The following STAT4 variants were observed in gnomAD, a reference collection of about 807,000 sequenced individuals.
STAT4 encodes the protein signal transducer and activator of transcription 4.
Under a neutral mutation model 110.5 loss-of-function variants are expected in STAT4, and 42 were observed. That is an observed-to-expected ratio of 0.38 (90% CI 0.30 to 0.49). The LOEUF (loss-of-function observed/expected upper bound fraction) is 0.49, where lower values mean the gene tolerates loss of function less well. Among genes scored for constraint, STAT4 ranks in the 20% least tolerant of loss-of-function variants. The probability of loss-of-function intolerance (pLI) is 0.95; values close to 1 mark genes in which losing one functional copy is unlikely to be tolerated. For missense variants in STAT4, 632 were observed against 887.9 expected, an observed-to-expected ratio of 0.71 and a Z score of 3.66; for synonymous variants, 284 against 302.2, an observed-to-expected ratio of 0.94 and a Z score of 0.63.
intron 13 of STAT4, among the ~76,000 whole-genome samples, chr2:191,055,121 G>T (rs903158706): frequency 2.6e-5 from 4 of 152,042 alleles, no homozygotes; most frequent in South Asian, 4.1e-4. Flanking sequence ...TTAGAAAAAA[G>T]AATGAAATTA....
Position 191,033,311 on chromosome 2 carries a change from C to A in STAT4, c.1853-162G>T, listed in dbSNP as rs1226430317. Among the ~76,000 whole-genome samples the A allele has an allele frequency of 6.6e-6, 1 of 152,144 alleles. No homozygotes were observed. Among genetic ancestry groups the A allele is most frequent in the Admixed American group, 6.5e-5 (1 of 15,274 alleles). On this transcript the variant is annotated intron_variant, in intron 20 of 23. Coordinates refer to ENST00000392320, the MANE Select transcript of STAT4 (RefSeq NM_003151.4). The surrounding 1 kb of genome is among the most constrained non-coding windows in gnomAD (Gnocchi z 6.9). ...GTCTGGACAGTATAGATTGTGCATA[C>A]GATAGACTTTTTGGAATTCATAGGT...
intron 3 of STAT4, among the ~76,000 whole-genome samples, chr2:191,136,004 A>AG (rs766956324): frequency 0.046 from 1,228 of 26,702 alleles, 24 homozygotes; most frequent in African/African-American, 0.12. Flanking sequence ...ACAGCATCTC[A>AG]GAAAAAAAAA....
Position 191,035,609 on chromosome 2 carries a change from T to G in STAT4, c.1570+555A>C, listed in dbSNP as rs1696022415. On this transcript the variant is annotated intron_variant, in intron 17 of 23. Transcript: ENST00000392320. The surrounding 1 kb of genome is among the most constrained non-coding windows in gnomAD (Gnocchi z 4.7). ...CACATGTAGTACCAGTGACTCTATT[T>G]TGCAAACTTTAGAAATCTCAGTCAA... is the stretch of plus-strand genomic sequence containing the variant. Among the ~76,000 whole-genome samples the G allele has an allele frequency of 1.3e-5, 2 of 152,254 alleles. No homozygotes were observed. The highest frequency in any genetic ancestry group is 4.8e-5 in the African/African-American group (2 of 41,466).
rs748082505 is a variant in STAT4 at position 191,062,886 on chromosome 2, T to C, written c.817A>G (p.Arg273Gly). 1 of 1,613,882 alleles carries C rather than the reference T, an allele frequency of 6.2e-7. No individual in the cohort carries two copies. ...TCCTCTAGTTTCTCCAATTGCCTTC[T>C]CAGTTGGAAAAGACTTTCTGCCAAT... ...TLLAESLFQL[R>G]RQLEKLEEQS... Residue 273 changes from arginine to glycine, a missense_variant, in exon 9 of 24, where the codon AGA (arginine) becomes GGA (glycine). By Grantham distance (125) the Arg-to-Gly change is moderately radical (BLOSUM62 -2). Transcript: ENST00000392320. The surrounding 1 kb of genome is among the most constrained non-coding windows in gnomAD (Gnocchi z 4.9).
chr2:191,102,843 T>C (rs1379528459), intron 3 of STAT4, among the ~76,000 whole-genome samples: 1 of 152,130 alleles, frequency 6.6e-6, no homozygotes, highest in East Asian at 1.9e-4. Flanking sequence ...TTTGTGTCCA[T>C]CAATTATCTG....
chr2:191,069,236 T>C (rs1574726816), intron 6 of STAT4, among the ~76,000 whole-genome samples: 1 of 152,104 alleles, frequency 6.6e-6, no homozygotes, highest in African/African-American at 2.4e-5. Flanking sequence ...CTTTTGCCTA[T>C]ATTTTAGGCT....
At position 191,042,377 on chromosome 2, in the gene STAT4, T is replaced by A. The variant is rs1481822896; in HGVS notation, c.1252-1229A>T. Among the ~76,000 whole-genome samples, 1 of 152,200 alleles carries A rather than the reference T, an allele frequency of 6.6e-6. No homozygotes were observed. The highest frequency in any genetic ancestry group is 1.5e-5 in the Non-Finnish European group (1 of 68,032). ...AAAACAGTGAAAAAAGTCTACTGTA[T>A]TCAGCTCAGTTTATTCAATAAATAT... On this transcript the variant is annotated intron_variant, in intron 14 of 23. Coordinates refer to ENST00000392320, the MANE Select transcript of STAT4 (RefSeq NM_003151.4). The surrounding 1 kb of genome is among the most constrained non-coding windows in gnomAD (Gnocchi z 4.2).
At chr2:191,093,948 G>A (rs1697884479) in intron 3 of STAT4, among the ~76,000 whole-genome samples, 1 of 152,180 alleles carries the variant, frequency 6.6e-6, no homozygotes, top group African/African-American at 2.4e-5. Flanking sequence ...GCATGCACAA[G>A]CTTCAATAGC....
rs1310501785 is a variant in STAT4, at chr2:191,077,855, G to GA, written c.274-1531dup. ...CTCTTTAAATCAAAAGTCTCCAAAT[G>GA]AAAAAAACAAAAATAAATTGACTGA... On this transcript the variant is annotated intron_variant, in intron 3 of 23. Coordinates refer to ENST00000392320, the MANE Select transcript of STAT4 (RefSeq NM_003151.4). The surrounding 1 kb of genome is among the most constrained non-coding windows in gnomAD (Gnocchi z 4.1). Among the ~76,000 whole-genome samples the GA allele has an allele frequency of 6.6e-6, 1 of 151,268 alleles. No homozygotes were observed. The highest frequency in any genetic ancestry group is 2.4e-5 in the African/African-American group (1 of 41,200).
rs1473549825 is a variant in STAT4, at chr2:191,060,332, T to G, written c.1034+1397A>C. Among the ~76,000 whole-genome samples the G allele has an allele frequency of 6.6e-6, 1 of 152,214 alleles. No individual in the cohort carries two copies. The highest frequency in any genetic ancestry group is 2.1e-4 in the South Asian group (1 of 4,832). ...AATGTCCACCACTTCTCCATCTTAT[T>G]TCACTCTCCTCCGAGTTATACAGAG... On this transcript the variant is annotated intron_variant, in intron 10 of 23. Coordinates refer to ENST00000392320, the MANE Select transcript of STAT4 (RefSeq NM_003151.4). This position sits in a 1 kb window ranked among gnomAD's most constrained non-coding sequence, Gnocchi z 4.5.
chr2:191,035,501 T>A lies in STAT4; in HGVS notation c.1570+663A>T, dbSNP rs1278002080. On this transcript the variant is annotated intron_variant, in intron 17 of 23. Transcript: ENST00000392320. The surrounding 1 kb of genome is among the most constrained non-coding windows in gnomAD (Gnocchi z 4.7). ...TATAGATCTAATTTTAACTCTTTTTTTGGTGTTAAATATGTTAAACCCTGA... is the reference window on the plus strand; with the variant it reads ...TATAGATCTAATTTTAACTCTTTTTATGGTGTTAAATATGTTAAACCCTGA... Among the ~76,000 whole-genome samples the A allele has an allele frequency of 6.6e-6, 1 of 152,242 alleles. No homozygotes were observed. The highest frequency in any genetic ancestry group is 2.4e-5 in the African/African-American group (1 of 41,464).
chr2:191,032,854 A>G lies in STAT4; in HGVS notation c.2044+104T>C, dbSNP rs999698611. The G allele has an allele frequency of 2.5e-6, 3 of 1,199,710 alleles. No individual in the cohort carries two copies. The African/African-American group carries it at 4.6e-5, about 19-fold the overall frequency. 74.3% of individuals were successfully genotyped at this position (1,199,710 alleles called of 1,614,324 possible). Reference sequence around the variant, plus strand: ...CCACATGCCCTTAGATCTTACAGAAATCAGAGTAAACAAGAAGGGGAACTT... The same window carrying G: ...CCACATGCCCTTAGATCTTACAGAAGTCAGAGTAAACAAGAAGGGGAACTT... On this transcript the variant is annotated intron_variant, in intron 21 of 23. Coordinates refer to ENST00000392320, the MANE Select transcript of STAT4 (RefSeq NM_003151.4). This position sits in a 1 kb window ranked among gnomAD's most constrained non-coding sequence, Gnocchi z 4.9.
intron 14 of STAT4, among the ~76,000 whole-genome samples, chr2:191,045,977 G>A (rs1269379614): frequency 1.3e-5 from 2 of 152,170 alleles, no homozygotes; most frequent in African/African-American, 4.8e-5. Context: ...AGACGGACTA[G>A]TTGTCTTGAG....
In STAT4 at chr2:191,116,683, T is replaced by TA. The variant is rs1375457279; in HGVS notation, c.273+29929dup. ...TCCAGTATAATTACTTGCAATTACTTAATTACTGTCCTCTTTGGTTCATCA... is the reference window on the plus strand; with the variant it reads ...TCCAGTATAATTACTTGCAATTACTTAAATTACTGTCCTCTTTGGTTCATCA... On this transcript the variant is annotated intron_variant, in intron 3 of 23. Transcript: ENST00000392320. This position sits in a 1 kb window ranked among gnomAD's most constrained non-coding sequence, Gnocchi z 4.1. Among the ~76,000 whole-genome samples, 5 of 152,198 alleles carry TA rather than the reference T, an allele frequency of 3.3e-5. 1 individual carries two copies. The East Asian group carries it at 9.6e-4, about 29-fold the overall frequency.
intron 3 of STAT4, among the ~76,000 whole-genome samples, chr2:191,124,707 C>A (rs2125400508): frequency 1.3e-5 from 2 of 152,310 alleles, no homozygotes; most frequent in South Asian, 4.1e-4. Flanking sequence ...GCATCAATAT[C>A]TGTGTCTATC....
rs546378903 is a variant in STAT4, at chr2:191,035,431, C to T, written c.1570+733G>A. Among the ~76,000 whole-genome samples, 14 of 152,342 alleles carry T rather than the reference C, an allele frequency of 9.2e-5. No homozygotes were observed. Among genetic ancestry groups the T allele is most frequent in the African/African-American group, 3.4e-4 (14 of 41,582 alleles). ...CAAGCTTAAATCACACATGATTCTA[C>T]TTCTGCACAAATGGATCTTTGGCCC... is the stretch of plus-strand genomic sequence containing the variant. On this transcript the variant is annotated intron_variant, in intron 17 of 23. Coordinates refer to ENST00000392320, the MANE Select transcript of STAT4 (RefSeq NM_003151.4). The surrounding 1 kb of genome is among the most constrained non-coding windows in gnomAD (Gnocchi z 4.7).
intron 6 of STAT4, among the ~76,000 whole-genome samples, chr2:191,067,365 C>T (rs1697022826): frequency 6.6e-6 from 1 of 152,020 alleles, no homozygotes. Context: ...AGAAACTGGA[C>T]CCCTAAGAGG....
At chr2:191,114,628 C>A (rs1013105135) in intron 3 of STAT4, among the ~76,000 whole-genome samples, 1 of 152,102 alleles carries the variant, frequency 6.6e-6, no homozygotes, top group African/African-American at 2.4e-5. Context: ...AGTGACAACA[C>A]CATCATGACA....
rs1434405567 is a variant in STAT4 at position 191,110,105 on chromosome 2, G to T, written c.274-33780C>A. Among the ~76,000 whole-genome samples the T allele has an allele frequency of 6.6e-6, 1 of 152,140 alleles. No individual in the cohort carries two copies. Among genetic ancestry groups the T allele is most frequent in the African/African-American group, 2.4e-5 (1 of 41,404 alleles). The stretch of plus-strand genomic sequence containing the variant: ...CAGGGCCCTGCATCAGATGCTGGCC[G>T]CACAGCAGCCTCAACCACTTGAGGA... On this transcript the variant is annotated intron_variant, in intron 3 of 23. Coordinates refer to ENST00000392320, the MANE Select transcript of STAT4 (RefSeq NM_003151.4). The surrounding 1 kb of genome is among the most constrained non-coding windows in gnomAD (Gnocchi z 4.5).
Sources: gnomAD v4.1 joint callset for allele counts (sites outside exome capture counted in the v4.1 genomes callset) on GRCh38, gnomAD v4.1.1 for gene constraint, Gnocchi (gnomAD v3.1) non-coding constraint, MANE v1.5 for transcripts, NCBI Gene and HGNC (gene_info 2026-07-23, HGNC 2026-07-21) for gene names.